The following XYLT1 variants were observed in gnomAD, a reference collection of about 807,000 sequenced individuals.
XYLT1 encodes the protein xylosyltransferase 1, also known as beta-D-xylosyltransferase 1.
Under a neutral mutation model 91.3 loss-of-function variants are expected in XYLT1, and 36 were observed. That is an observed-to-expected ratio of 0.39 (90% CI 0.30 to 0.52). The LOEUF (loss-of-function observed/expected upper bound fraction) is 0.52, where lower values mean the gene tolerates loss of function less well. Ranked by LOEUF, XYLT1 falls within the 20% of genes least tolerant of loss-of-function variation. XYLT1 has a pLI of 0.68. For synonymous variants in XYLT1, 588 were observed against 532.0 expected (o/e 1.11, Z -1.45); for missense variants, 1,242 against 1,284.5 (o/e 0.97, Z 0.51).
At chr16:17,245,054 A>T (rs2033415368) in intron 3 of XYLT1, among the ~76,000 whole-genome samples, 1 of 152,160 alleles carries the variant, frequency 6.6e-6, no homozygotes, top group Admixed American at 6.5e-5. Flanking sequence ...ACATGTGTTG[A>T]GTTTAGATAT....
intron 5 of XYLT1, among the ~76,000 whole-genome samples, chr16:17,170,748 C>G (rs1402294149): frequency 6.6e-6 from 1 of 152,168 alleles, no homozygotes; most frequent in Admixed American, 6.5e-5. Flanking sequence ...AAATAATCAC[C>G]ATGACCTATA....
intron 2 of XYLT1, among the ~76,000 whole-genome samples, chr16:17,350,434 G>A (rs771451589): frequency 6.6e-6 from 1 of 152,192 alleles, no homozygotes; most frequent in Non-Finnish European, 1.5e-5. Context: ...ATGACTCCAT[G>A]CTCCAAGTCC....
intron 9 of XYLT1, 68 bp from the exon 10 acceptor site, chr16:17,127,929 C>G (rs1416092344): frequency 6.7e-7 from 1 of 1,485,784 alleles, no homozygotes; most frequent in Non-Finnish European, 9.1e-7. Context: ...TCCCCACCCA[C>G]CAAGCTAGTT....
intron 2 of XYLT1, among the ~76,000 whole-genome samples, chr16:17,267,242 G>C (rs2033820446): frequency 6.6e-6 from 1 of 152,192 alleles, no homozygotes; most frequent in Admixed American, 6.5e-5. Flanking sequence ...GGGGTAAGAA[G>C]ACCTACTTTG....
intron 6 of XYLT1, 120 bp from the exon 7 acceptor site, chr16:17,141,489 G>A (rs1468903160): frequency 6.4e-6 from 6 of 932,702 alleles, no homozygotes; most frequent in African/African-American, 5.0e-5. Flanking sequence ...CCTGCTGTGT[G>A]CCAGGTACTG....
chr16:17,392,955 G>T (rs1462337931), intron 1 of XYLT1, among the ~76,000 whole-genome samples: 2 of 152,228 alleles, frequency 1.3e-5, no homozygotes, highest in East Asian at 3.9e-4. Flanking sequence ...GCAAGATGTG[G>T]GTTCGGTAAG....
chr16:17,128,766 G>T, intron 9 of XYLT1, among the ~76,000 whole-genome samples: 1 of 152,240 alleles, frequency 6.6e-6, no homozygotes, highest in Non-Finnish European at 1.5e-5. Context: ...AGAAAAGGGG[G>T]AAGCAGATGG....
At chr16:17,239,468 C>A (rs1470058259) in intron 3 of XYLT1, among the ~76,000 whole-genome samples, 1 of 151,036 alleles carries the variant, frequency 6.6e-6, no homozygotes, top group Non-Finnish European at 1.5e-5. Context: ...ATCCATCCAT[C>A]CATCATCCAT....
chr16:17,452,162 G>A (rs188960224), intron 1 of XYLT1, among the ~76,000 whole-genome samples: 31 of 152,242 alleles, frequency 2.0e-4, no homozygotes, highest in African/African-American at 5.3e-4. Context: ...TAAGAGGAAC[G>A]AAATTAGCAC....
intron 1 of XYLT1, among the ~76,000 whole-genome samples, chr16:17,423,808 G>T (rs1474533136): frequency 6.6e-6 from 1 of 151,998 alleles, no homozygotes; most frequent in African/African-American, 2.4e-5. Context: ...TAGAGACGGG[G>T]TTTTACCATG....
chr16:17,357,204 A>C (rs2035313237), intron 2 of XYLT1, among the ~76,000 whole-genome samples: 3 of 140,204 alleles, frequency 2.1e-5, no homozygotes, highest in African/African-American at 5.3e-5. Flanking sequence ...AAAAAACGCT[A>C]CCACTCACAA....
chr16:17,365,359 G>A (rs758155599), intron 1 of XYLT1, among the ~76,000 whole-genome samples: 12 of 152,164 alleles, frequency 7.9e-5, no homozygotes, highest in Non-Finnish European at 1.5e-4. Context: ...GGCTGGGCAC[G>A]TGCAGGGCAG....
chr16:17,302,412 C>T (rs1403105645), intron 2 of XYLT1, among the ~76,000 whole-genome samples: 2 of 152,066 alleles, frequency 1.3e-5, no homozygotes, highest in Non-Finnish European at 2.9e-5. Flanking sequence ...GCCTGCTGGT[C>T]CTTCCTCTTC....
chr16:17,260,481 G>A (rs972017152), intron 2 of XYLT1, among the ~76,000 whole-genome samples: 3 of 152,038 alleles, frequency 2.0e-5, no homozygotes, highest in African/African-American at 4.8e-5. Context: ...TTGTTGCTAT[G>A]GAAACACAGG....
intron 8 of XYLT1, among the ~76,000 whole-genome samples, chr16:17,138,018 G>GATGAAAAGGGAATAAAGAGAAGATGAT (rs2030811016): frequency 3.5e-5 from 5 of 142,340 alleles, no homozygotes; most frequent in Non-Finnish European, 7.5e-5. Flanking sequence ...GGGAGATTCT[G>GATGAAAAGGGAATAAAGAGAAGATGAT]ATGAAAAGGG....
chr16:17,464,445 T>C (rs1401817272), intron 1 of XYLT1, among the ~76,000 whole-genome samples: 1 of 147,536 alleles, frequency 6.8e-6, no homozygotes, highest in South Asian at 2.1e-4. Flanking sequence ...TGAGTCAAGA[T>C]TGTGCCACTG....
At chr16:17,217,488 T>C (rs1285443908) in intron 3 of XYLT1, among the ~76,000 whole-genome samples, 3 of 152,232 alleles carry the variant, frequency 2.0e-5, no homozygotes, top group Admixed American at 6.5e-5. Flanking sequence ...TTCTGCTTTG[T>C]CATATGCATT....
At chr16:17,188,110 T>G (rs566988288) in intron 5 of XYLT1, among the ~76,000 whole-genome samples, 1 of 152,020 alleles carries the variant, frequency 6.6e-6, no homozygotes. Flanking sequence ...AAGCTCCTTA[T>G]GGCTTCCTTC....
At chr16:17,382,096 T>C (rs1042879725) in intron 1 of XYLT1, among the ~76,000 whole-genome samples, 1 of 151,834 alleles carries the variant, frequency 6.6e-6, no homozygotes, top group African/African-American at 2.4e-5. Flanking sequence ...CAATTGTCAT[T>C]GGACACCCAC....
Sources: gnomAD v4.1 joint callset for allele counts (sites outside exome capture counted in the v4.1 genomes callset) on GRCh38, gnomAD v4.1.1 for gene constraint, MANE v1.5 for transcripts, NCBI Gene and HGNC (gene_info 2026-07-23, HGNC 2026-07-21) for gene names.